Variants in CDH10 observed in about 807,000 individuals in gnomAD.
CDH10 encodes cadherin-10.
Under a neutral mutation model 73.1 loss-of-function variants are expected in CDH10, and 30 were observed. The ratio of observed to expected loss-of-function variants is 0.41; its 90% CI spans 0.31 to 0.56. The LOEUF is 0.56. Ranked by LOEUF, CDH10 falls within the 20% of genes least tolerant of loss-of-function variation. The pLI is 0.27. For synonymous variants in CDH10, 345 were observed against 348.2 expected (o/e 0.99, Z 0.10); for missense variants, 815 against 973.7 (o/e 0.84, Z 2.17).
At chr5:24,587,450 G>C (rs1746061574) in intron 2 of CDH10, among the ~76,000 whole-genome samples, 1 of 152,118 alleles carries the variant, frequency 6.6e-6, no homozygotes, top group Non-Finnish European at 1.5e-5. Context: ...AGCTCTGGTA[G>C]ATATTCATAA....
chr5:24,551,413 A>AT (rs1170742617), intron 2 of CDH10, among the ~76,000 whole-genome samples: 6 of 152,048 alleles, frequency 3.9e-5, no homozygotes, highest in Non-Finnish European at 7.4e-5. Context: ...AGTTTGAGGT[A>AT]TTTTTTTAAC....
chr5:24,534,880 G>A (rs1254803723), intron 5 of CDH10, among the ~76,000 whole-genome samples: 1 of 151,790 alleles, frequency 6.6e-6, no homozygotes, highest in Non-Finnish European at 1.5e-5. Flanking sequence ...AGAGGTTTGG[G>A]ATCATAGGTC....
chr5:24,611,629 GT>G (rs1159605262), intron 1 of CDH10, among the ~76,000 whole-genome samples: 1 of 151,808 alleles, frequency 6.6e-6, no homozygotes, highest in Non-Finnish European at 1.5e-5. Flanking sequence ...TTTTAAGAGG[GT>G]CCCCCACCAA....
intron 2 of CDH10, among the ~76,000 whole-genome samples, chr5:24,563,243 G>T (rs1195811150): frequency 1.3e-5 from 2 of 151,952 alleles, no homozygotes; most frequent in Non-Finnish European, 2.9e-5. Context: ...CCTCAATTTA[G>T]GTTTGATGTT....
chr5:24,514,443 G>A (rs901430377), intron 5 of CDH10, among the ~76,000 whole-genome samples: 1 of 151,868 alleles, frequency 6.6e-6, no homozygotes, highest in East Asian at 1.9e-4. Flanking sequence ...AAAGATTTTC[G>A]ACACAACTCT....
intron 5 of CDH10, among the ~76,000 whole-genome samples, chr5:24,530,065 C>A (rs1579766512): frequency 2.1e-5 from 3 of 144,710 alleles, no homozygotes; most frequent in Admixed American, 1.5e-4. Context: ...AGGCACCAAC[C>A]AGTTGGCTGG....
At chr5:24,542,682 T>C (rs1744198730) in intron 2 of CDH10, among the ~76,000 whole-genome samples, 1 of 152,194 alleles carries the variant, frequency 6.6e-6, no homozygotes, top group Admixed American at 6.5e-5. Flanking sequence ...AACAGAAATA[T>C]ACTTCTCACT....
intron 2 of CDH10, among the ~76,000 whole-genome samples, chr5:24,542,332 G>A (rs1744184607): frequency 6.6e-6 from 1 of 152,152 alleles, no homozygotes; most frequent in Non-Finnish European, 1.5e-5. Context: ...ACAATCATGT[G>A]CCACATGAAA....
chr5:24,633,521 A>C (rs1747771118), intron 1 of CDH10, among the ~76,000 whole-genome samples: 1 of 151,878 alleles, frequency 6.6e-6, no homozygotes, highest in Admixed American at 6.6e-5. Flanking sequence ...AGTTTTACAA[A>C]ATGCAAAAAT....
At chr5:24,552,938 G>C (rs969429247) in intron 2 of CDH10, among the ~76,000 whole-genome samples, 5 of 151,994 alleles carry the variant, frequency 3.3e-5, no homozygotes, top group African/African-American at 1.2e-4. Flanking sequence ...ACTTTGTTTA[G>C]AGCTGTCATC....
intron 7 of CDH10, among the ~76,000 whole-genome samples, chr5:24,509,211 T>C (rs1286832735): frequency 6.8e-6 from 1 of 147,562 alleles, no homozygotes; most frequent in Non-Finnish European, 1.5e-5. Context: ...TTTTTTTTCA[T>C]TTTAAACAAC....
At chr5:24,613,094 A>C (rs1747004215) in intron 1 of CDH10, 1 of 152,078 alleles carries the variant, frequency 6.6e-6, no homozygotes, top group Non-Finnish European at 1.5e-5. Context: ...ATGTTAAATA[A>C]TGCAATATAG....
chr5:24,593,718 A>G lies in CDH10; in HGVS notation c.-123-105T>C, dbSNP rs576022626. On this transcript the variant is annotated intron_variant, in intron 1 of 11. Coordinates refer to ENST00000264463, the MANE Select transcript of CDH10 (RefSeq NM_006727.5). The stretch of plus-strand genomic sequence containing the variant: ...ATAGTTTATTAATAACAACCAAAAC[A>G]TTCATTTTCTTTATTTTTCATACAA... 17 of 489,408 alleles carry G rather than the reference A, an allele frequency of 3.5e-5. No individual in the cohort carries two copies. The South Asian group carries it at 5.8e-4, about 17-fold the overall frequency. The allele number at this position is 489,408 out of a possible 1,614,324, so 30.3% of individuals were successfully genotyped here. A position where few individuals can be genotyped will look rare whatever the true frequency, so the allele number is the denominator to read the frequency against.
rs370814235 is a variant in CDH10 at position 24,535,675 on chromosome 5, G to A, written c.646+28C>T. ...ATAAAGGTCATAAAGATGATCAAAT[G>A]AACAAACAGCAATTCATGATTCCTG... On this transcript the variant is annotated intron_variant, in intron 4 of 11. Coordinates refer to ENST00000264463, the MANE Select transcript of CDH10 (RefSeq NM_006727.5). The A allele has an allele frequency of 2.0e-5, 32 of 1,591,692 alleles. No individual in the cohort carries two copies. In the African/African-American group the frequency reaches 3.8e-4, roughly 19 times the overall value.
intron 9 of CDH10, among the ~76,000 whole-genome samples, chr5:24,494,338 T>C (rs1285235193): frequency 6.6e-6 from 1 of 151,996 alleles, no homozygotes; most frequent in Non-Finnish European, 1.5e-5. Flanking sequence ...GACTGATTTC[T>C]TGTCTGTCAA....
intron 2 of CDH10, among the ~76,000 whole-genome samples, chr5:24,570,655 T>TAC (rs1745342551): frequency 6.6e-6 from 1 of 151,808 alleles, no homozygotes; most frequent in Non-Finnish European, 1.5e-5. Flanking sequence ...CTGTAAAATA[T>TAC]ATATATGTGT....
intron 2 of CDH10, among the ~76,000 whole-genome samples, chr5:24,548,813 T>G (rs1432508986): frequency 6.6e-6 from 1 of 152,012 alleles, no homozygotes; most frequent in Non-Finnish European, 1.5e-5. Flanking sequence ...AAAATAAATT[T>G]TACTATACAT....
chr5:24,636,328 T>C (rs1236152960), intron 1 of CDH10, among the ~76,000 whole-genome samples: 1 of 152,012 alleles, frequency 6.6e-6, no homozygotes, highest in African/African-American at 2.4e-5. Context: ...CCACGATCCA[T>C]GCTTTTATCT....
chr5:24,562,923 G>T (rs1745013673), intron 2 of CDH10, among the ~76,000 whole-genome samples: 1 of 152,178 alleles, frequency 6.6e-6, no homozygotes, highest in African/African-American at 2.4e-5. Flanking sequence ...TCAACTTGAT[G>T]AATGATCATT....
Sources: gnomAD v4.1 joint callset for allele counts (sites outside exome capture counted in the v4.1 genomes callset) on GRCh38, gnomAD v4.1.1 for gene constraint, MANE v1.5 for transcripts, NCBI Gene and HGNC (gene_info 2026-07-23, HGNC 2026-07-21) for gene names.